Variants in TYW5 observed in about 807,000 individuals in gnomAD.
The protein encoded by TYW5 is tRNA-yW synthesizing protein 5, also known as tRNA wybutosine-synthesizing protein 5.
Under a neutral mutation model 44.4 loss-of-function variants are expected in TYW5, and 36 were observed. That is an observed-to-expected ratio of 0.81 (90% CI 0.62 to 1.07). TYW5 has a LOEUF of 1.07. Ranked by LOEUF, TYW5 falls within the 50% of genes least tolerant of loss-of-function variation. The pLI, the probability that TYW5 is intolerant of heterozygous loss-of-function variation, is 0.00. For synonymous variants in TYW5, 121 were observed against 128.1 expected (o/e 0.94, Z 0.37); for missense variants, 354 against 365.7 (o/e 0.97, Z 0.26).
chr2:199,946,602 C>G (rs1343947094), intron 2 of TYW5: 1 of 152,156 alleles, frequency 6.6e-6, no homozygotes, highest in Non-Finnish European at 1.5e-5. Flanking sequence ...AAAGTTCATA[C>G]CTGTTAACGT....
intron 2 of TYW5, chr2:199,948,073 C>T (rs866096324): frequency 3.6e-5 from 13 of 361,080 alleles, no homozygotes; most frequent in Non-Finnish European, 6.6e-5. Context: ...GCCTGGGTGG[C>T]GCAGTAAAAC....
At chr2:199,940,665 T>C (rs1474248228) in intron 3 of TYW5, among the ~76,000 whole-genome samples, 1 of 152,072 alleles carries the variant, frequency 6.6e-6, no homozygotes, top group Non-Finnish European at 1.5e-5. Context: ...TAATGCTCTC[T>C]GGTGGCCATA....
In TYW5 at chr2:199,935,753, CACACACACACACAT is replaced by C. The variant is rs1346976638; in HGVS notation, c.691+164_691+177del. 4.4e-4 allele frequency among the ~76,000 whole-genome samples: 63 copies of C among 142,760 alleles called. No individual in the cohort carries two copies. The South Asian group carries it at 4.4e-3, about 10-fold the overall frequency. 93.7% of individuals were successfully genotyped at this position (142,760 alleles called of 152,430 possible). A position where few individuals can be genotyped will look rare whatever the true frequency, so the allele number is the denominator to read the frequency against. ...ACACACACACACACACACACACACA[CACACACACACACAT>C]ACACACACACGCACACACAGAGTTT... is the stretch of plus-strand genomic sequence containing the variant. On this transcript the variant is annotated intron_variant, in intron 7 of 7. Coordinates refer to ENST00000354611, the MANE Select transcript of TYW5 (RefSeq NM_001039693.3).
intron 3 of TYW5, among the ~76,000 whole-genome samples, chr2:199,941,338 G>A (rs1249065719): frequency 6.6e-6 from 1 of 152,138 alleles, no homozygotes; most frequent in Non-Finnish European, 1.5e-5. Context: ...ACTGTGCGAG[G>A]CCAAAAATTA....
At chr2:199,937,239 C>T (rs2077427523) in intron 5 of TYW5, among the ~76,000 whole-genome samples, 2 of 152,114 alleles carry the variant, frequency 1.3e-5, no homozygotes, top group Non-Finnish European at 2.9e-5. Context: ...TTAGTACTAA[C>T]CCTTTACTCA....
chr2:199,940,051 T>A, intron 4 of TYW5, 38 bp downstream of exon 4: 1 of 1,590,796 alleles, frequency 6.3e-7, no homozygotes, highest in South Asian at 1.1e-5. Context: ...TACATCCATT[T>A]AGATTTTAGG....
At chr2:199,953,061 C>T (rs775844159) in intron 1 of TYW5, among the ~76,000 whole-genome samples, 4 of 152,232 alleles carry the variant, frequency 2.6e-5, no homozygotes, top group Admixed American at 6.5e-5. Context: ...GTGGCTCACG[C>T]CTGTAATCCC....
Position 199,929,752 on chromosome 2 carries a change from A to G in TYW5, c.*3315T>C, listed in dbSNP as rs934628849. Among the ~76,000 whole-genome samples, 3 of 151,990 alleles carry G rather than the reference A, an allele frequency of 2.0e-5. No individual in the cohort carries two copies. The highest frequency in any genetic ancestry group is 2.9e-5 in the Non-Finnish European group (2 of 67,984). ...TATCAAAGTGAGTTAGAAATTAATT[A>G]CAGGACAAATAGAATTCTAATGTAT... On this transcript the variant is annotated 3_prime_UTR_variant, in exon 8 of 8. Coordinates refer to ENST00000354611, the MANE Select transcript of TYW5 (RefSeq NM_001039693.3).
intron 2 of TYW5, chr2:199,946,273 A>G (rs1574805539): frequency 6.6e-6 from 1 of 152,186 alleles, no homozygotes; most frequent in African/African-American, 2.4e-5. Flanking sequence ...AACAATGATA[A>G]TGTACCCTTT....
Position 199,932,360 on chromosome 2 carries a change from T to G in TYW5, c.*707A>C, listed in dbSNP as rs1420823830. On this transcript the variant is annotated 3_prime_UTR_variant, in exon 8 of 8. Coordinates refer to ENST00000354611, the MANE Select transcript of TYW5 (RefSeq NM_001039693.3). Reference sequence around the variant, plus strand: ...GCTCATGTTTTTCCTATCAGAACCATGATTTTAAAAAAACTATCCTTTCTG... The same window carrying G: ...GCTCATGTTTTTCCTATCAGAACCAGGATTTTAAAAAAACTATCCTTTCTG... 2 of 152,176 alleles carry G rather than the reference T, an allele frequency of 1.3e-5. No homozygotes were observed. Among genetic ancestry groups the G allele is most frequent in the Non-Finnish European group, 2.9e-5 (2 of 68,026 alleles). The allele number at this position is 152,176 out of a possible 1,614,324, so 9.4% of individuals were successfully genotyped here. A position where few individuals can be genotyped will look rare whatever the true frequency, so the allele number is the denominator to read the frequency against.
At chr2:199,948,500 A>C (rs1243577270) in intron 1 of TYW5, 28 bp from the exon 2 acceptor site, 1 of 1,612,814 alleles carries the variant, frequency 6.2e-7, no homozygotes, top group South Asian at 1.1e-5. Flanking sequence ...AATACAACAA[A>C]ATTCATGAAA....
Position 199,948,302 on chromosome 2 carries a change from C to A in TYW5, c.233+16G>T, listed in dbSNP as rs895471718. The A allele has an allele frequency of 1.2e-6, 2 of 1,613,492 alleles. No homozygotes were observed. Among genetic ancestry groups the A allele is most frequent in the African/African-American group, 2.7e-5 (2 of 74,868 alleles). On this transcript the variant is annotated intron_variant, in intron 2 of 7. Transcript: ENST00000354611. ...AAGTTATTTGTATCCCCAGAGTAAA[C>A]CTCAGAAGAAAATACCTATATACAA...
At position 199,948,354 on chromosome 2, in the gene TYW5, G is replaced by A. The variant is rs1267707429; in HGVS notation, c.197C>T (p.Ala66Val). Residue 66 changes from alanine to valine, a missense_variant, in exon 2 of 8, where the codon GCA (alanine) becomes GTA (valine). Transcript: ENST00000354611. ...GTTCTTACTAATGAAGTCCATCTGT[G>A]CAACTGCAGCAACATGAATCTTTAC... is the stretch of plus-strand genomic sequence containing the variant. ...KEVKIHVAAV[A>V]QMDFISKNFV... is the part of the protein sequence containing the mutation. The A allele has an allele frequency of 6.2e-7, 1 of 1,614,154 alleles. No individual in the cohort carries two copies. Among genetic ancestry groups the A allele is most frequent in the South Asian group, 1.1e-5 (1 of 91,080 alleles).
chr2:199,942,887 T>C (rs1282852889), intron 3 of TYW5: 2 of 151,318 alleles, frequency 1.3e-5, no homozygotes, highest in South Asian at 2.1e-4. Flanking sequence ...TGGACAGTTA[T>C]GCTCTTGTTG....
intron 1 of TYW5, among the ~76,000 whole-genome samples, chr2:199,953,143 G>A (rs1202655325): frequency 1.3e-5 from 2 of 152,128 alleles, no homozygotes; most frequent in African/African-American, 4.8e-5. Flanking sequence ...CCAACATGGC[G>A]AAACTCCGCC....
chr2:199,942,292 C>G (rs2077471456), intron 3 of TYW5: 1 of 152,336 alleles, frequency 6.6e-6, no homozygotes, highest in Non-Finnish European at 1.5e-5. Flanking sequence ...TGGTCTCAAT[C>G]TCCTGACCTC....
chr2:199,934,980 T>C (rs1428988722), intron 7 of TYW5, among the ~76,000 whole-genome samples: 1 of 152,038 alleles, frequency 6.6e-6, no homozygotes, highest in Non-Finnish European at 1.5e-5. Context: ...ATCTTTCATC[T>C]GTTTTGGCCT....
intron 4 of TYW5, among the ~76,000 whole-genome samples, chr2:199,939,801 T>C (rs1389711079): frequency 6.6e-6 from 1 of 152,256 alleles, no homozygotes; most frequent in Non-Finnish European, 1.5e-5. Context: ...CAAATTAATA[T>C]TTTGTTAACT....
rs1370216173 is a variant in TYW5 at position 199,935,946 on chromosome 2, C to T, written c.676G>A (p.Val226Ile). ...GAAATCTTACCAGGAATGAATAATA[C>T]ATCACCAGCTTCAAGGGAACATTCA... The part of the protein sequence containing the change: ...RYECSLEAGD[V>I]LFIPALWFHN... The change falls in exon 7 of 8, where the codon GTA becomes ATA. Residue 226 changes from valine (V) to isoleucine (I), a missense_variant. By Grantham distance (29) the Val-to-Ile change is conservative. Transcript: ENST00000354611. 3 of 1,609,102 alleles carry T rather than the reference C, an allele frequency of 1.9e-6. No individual in the cohort carries two copies. Among genetic ancestry groups the T allele is most frequent in the Admixed American group, 1.7e-5 (1 of 59,890 alleles).
Sources: allele counts gnomAD v4.1 joint callset (sites outside exome capture counted in the v4.1 genomes callset), GRCh38; gene constraint gnomAD v4.1.1; transcripts MANE v1.5; gene names NCBI Gene and HGNC (gene_info 2026-07-23, HGNC 2026-07-21).